LRRTM4: variants seen among roughly 807,000 people sequenced by gnomAD.
The protein encoded by LRRTM4 is leucine rich repeat transmembrane neuronal 4.
A neutral mutation model predicts 47.6 loss-of-function variants in LRRTM4; 25 were observed. The observed-to-expected ratio is 0.53, with a 90% CI of 0.38 to 0.73. The LOEUF is 0.73. Among genes scored for constraint, LRRTM4 ranks in the 30% least tolerant of loss-of-function variants. LRRTM4 has a pLI of 0.00. For synonymous variants in LRRTM4, 311 were observed against 269.5 expected (o/e 1.15, Z -1.51); for missense variants, 638 against 713.4 (o/e 0.89, Z 1.20).
At chr2:77,252,924 A>G (rs942016576) in intron 3 of LRRTM4, among the ~76,000 whole-genome samples, 1 of 152,054 alleles carries the variant, frequency 6.6e-6, no homozygotes, top group African/African-American at 2.4e-5. Flanking sequence ...CCTTCTTCCT[A>G]TGCCTTCATA....
At chr2:76,887,482 CTTTAT>C (rs1262985667) in intron 3 of LRRTM4, among the ~76,000 whole-genome samples, 13 of 149,258 alleles carry the variant, frequency 8.7e-5, no homozygotes, top group Admixed American at 4.7e-4. Context: ...CATTTAGTGC[CTTTAT>C]TTTATATTTA....
intron 3 of LRRTM4, among the ~76,000 whole-genome samples, chr2:77,179,764 T>C (rs1256448868): frequency 6.6e-6 from 1 of 152,152 alleles, no homozygotes; most frequent in Non-Finnish European, 1.5e-5. Context: ...ATAATCACCT[T>C]ACATCCAGGA....
At chr2:77,099,489 TTAA>T (rs1163290320) in intron 3 of LRRTM4, among the ~76,000 whole-genome samples, 2 of 152,132 alleles carry the variant, frequency 1.3e-5, no homozygotes, top group African/African-American at 4.8e-5. Flanking sequence ...ATAAGATATG[TTAA>T]TAATCTTAAG....
intron 3 of LRRTM4, among the ~76,000 whole-genome samples, chr2:77,141,268 T>G (rs1394338781): frequency 6.6e-6 from 1 of 152,186 alleles, no homozygotes; most frequent in Non-Finnish European, 1.5e-5. Context: ...GTGGCATATA[T>G]ACACCATGGA....
chr2:76,848,499 A>G (rs1301358377), intron 3 of LRRTM4, among the ~76,000 whole-genome samples: 1 of 152,086 alleles, frequency 6.6e-6, no homozygotes, highest in African/African-American at 2.4e-5. Flanking sequence ...TCAAATTCGT[A>G]CTTTGTTCAT....
chr2:77,398,433 CACAT>C (rs1673791151), intron 3 of LRRTM4, among the ~76,000 whole-genome samples: 1 of 151,776 alleles, frequency 6.6e-6, no homozygotes, highest in Admixed American at 6.6e-5. Context: ...TGCAATCAAA[CACAT>C]ACTTTTTTTT....
chr2:77,372,429 C>A (rs1487027102), intron 3 of LRRTM4, among the ~76,000 whole-genome samples: 1 of 151,676 alleles, frequency 6.6e-6, no homozygotes, highest in Admixed American at 6.6e-5. Flanking sequence ...CACTACCAGA[C>A]TTTAAGAATC....
intron 3 of LRRTM4, among the ~76,000 whole-genome samples, chr2:77,093,695 A>G (rs559785781): frequency 6.6e-6 from 1 of 152,100 alleles, no homozygotes; most frequent in South Asian, 2.1e-4. Context: ...AAGCCAAGCC[A>G]TCGCATCCCC....
chr2:77,281,660 A>C (rs1676508986), intron 3 of LRRTM4, among the ~76,000 whole-genome samples: 1 of 151,864 alleles, frequency 6.6e-6, no homozygotes, highest in Non-Finnish European at 1.5e-5. Context: ...ATTAAAAAAA[A>C]TGGGCATGGC....
At chr2:76,774,539 A>T (rs1673874204) in intron 3 of LRRTM4, among the ~76,000 whole-genome samples, 1 of 152,204 alleles carries the variant, frequency 6.6e-6, no homozygotes, top group South Asian at 2.1e-4. Flanking sequence ...AAATATATTT[A>T]GTATTCATTA....
chr2:77,219,326 C>G (rs1674551669), intron 3 of LRRTM4, among the ~76,000 whole-genome samples: 1 of 152,134 alleles, frequency 6.6e-6, no homozygotes, highest in African/African-American at 2.4e-5. Context: ...GGGGTTTGTA[C>G]TGATCATCAT....
intron 3 of LRRTM4, among the ~76,000 whole-genome samples, chr2:76,810,767 G>T (rs1670708085): frequency 6.6e-6 from 1 of 152,072 alleles, no homozygotes; most frequent in Non-Finnish European, 1.5e-5. Flanking sequence ...TAATGAAAAG[G>T]TGCTTTGAAA....
intron 3 of LRRTM4, chr2:77,517,936 G>T: frequency 1.0e-6 from 1 of 1,000,838 alleles, no homozygotes; most frequent in African/African-American, 1.7e-5. Context: ...AAATTAAGCT[G>T]GCCCTCTTCT....
At chr2:76,838,923 A>G (rs1000680450) in intron 3 of LRRTM4, among the ~76,000 whole-genome samples, 2 of 152,030 alleles carry the variant, frequency 1.3e-5, no homozygotes, top group Non-Finnish European at 2.9e-5. Context: ...TAACCTTCCA[A>G]TTTGTTTCAG....
At chr2:76,946,040 A>G (rs1675311946) in intron 3 of LRRTM4, among the ~76,000 whole-genome samples, 1 of 151,822 alleles carries the variant, frequency 6.6e-6, no homozygotes, top group African/African-American at 2.4e-5. Context: ...AAAGTATAGC[A>G]TTTTGCCAAG....
chr2:77,327,195 T>G (rs768139703), intron 3 of LRRTM4, among the ~76,000 whole-genome samples: 1 of 152,252 alleles, frequency 6.6e-6, no homozygotes, highest in Non-Finnish European at 1.5e-5. Context: ...ATTGTGGTAC[T>G]AAAGTATAAC....
chr2:76,835,510 G>A (rs1170743069), intron 3 of LRRTM4, among the ~76,000 whole-genome samples: 1 of 152,010 alleles, frequency 6.6e-6, no homozygotes, highest in Non-Finnish European at 1.5e-5. Context: ...ACTAAGAAAT[G>A]TCATTTATAT....
chr2:77,298,394 G>C (rs1029449830), intron 3 of LRRTM4, among the ~76,000 whole-genome samples: 1 of 151,982 alleles, frequency 6.6e-6, no homozygotes, highest in Non-Finnish European at 1.5e-5. Flanking sequence ...CCGCCACCAC[G>C]CCCGGCTAAT....
intron 3 of LRRTM4, among the ~76,000 whole-genome samples, chr2:76,805,121 G>A (rs1374205272): frequency 6.6e-6 from 1 of 152,098 alleles, no homozygotes; most frequent in Non-Finnish European, 1.5e-5. Flanking sequence ...GCCTCATGGA[G>A]ACAGGAATCA....
Sources: gnomAD v4.1 joint callset for allele counts (sites outside exome capture counted in the v4.1 genomes callset) on GRCh38, gnomAD v4.1.1 for gene constraint, MANE v1.5 for transcripts, NCBI Gene and HGNC (gene_info 2026-07-23, HGNC 2026-07-21) for gene names.